CLASP2: variants seen among roughly 807,000 people sequenced by gnomAD.
CLASP2 encodes the protein CLIP-associating protein 2.
A neutral mutation model predicts 194.4 loss-of-function variants in CLASP2; 47 were observed. That is an observed-to-expected ratio of 0.24 (90% confidence interval 0.19 to 0.31). The LOEUF is 0.31. CLASP2 is among the 10% of genes least tolerant of loss of function. The pLI, the probability that CLASP2 is intolerant of heterozygous loss-of-function variation, is 1.00. For synonymous variants in CLASP2, 619 were observed against 633.5 expected (o/e 0.98, Z 0.34); for missense variants, 1,445 against 1,823.6 (o/e 0.79, Z 3.78).
intron 6 of CLASP2, among the ~76,000 whole-genome samples, chr3:33,678,319 T>C (rs189916608): frequency 2.9e-4 from 44 of 152,002 alleles, no homozygotes; most frequent in Middle Eastern, 3.4e-3. Flanking sequence ...CTTACACATA[T>C]CATATTCAAA....
At chr3:33,561,946 CT>C (rs752279301) in intron 27 of CLASP2, among the ~76,000 whole-genome samples, 5 of 152,056 alleles carry the variant, frequency 3.3e-5, no homozygotes, top group Non-Finnish European at 5.9e-5. Flanking sequence ...TCAAGTTAAT[CT>C]CAAAAAGTAA....
chr3:33,655,480 T>C (rs1421547128), intron 7 of CLASP2, among the ~76,000 whole-genome samples: 2 of 152,212 alleles, frequency 1.3e-5, no homozygotes, highest in Non-Finnish European at 2.9e-5. Flanking sequence ...GCCTGCTACT[T>C]ACTGCCTGTA....
At chr3:33,558,275 A>C (rs891830315) in intron 29 of CLASP2, 1 of 152,148 alleles carries the variant, frequency 6.6e-6, no homozygotes, top group African/African-American at 2.4e-5. Context: ...TAAACCTCTA[A>C]ATTGATTGAG....
chr3:33,640,117 A>G (rs1023164429), intron 8 of CLASP2, among the ~76,000 whole-genome samples: 3 of 152,220 alleles, frequency 2.0e-5, no homozygotes, highest in Non-Finnish European at 4.4e-5. Flanking sequence ...ACCAAAACAC[A>G]GAAGTGTTAC....
intron 30 of CLASP2, among the ~76,000 whole-genome samples, chr3:33,550,827 C>A (rs906077246): frequency 6.6e-6 from 1 of 151,946 alleles, no homozygotes; most frequent in Admixed American, 6.5e-5. Flanking sequence ...TTATGAATAC[C>A]TTAGAAAGGA....
intron 6 of CLASP2, among the ~76,000 whole-genome samples, chr3:33,664,191 T>A (rs956777947): frequency 1.3e-5 from 2 of 152,242 alleles, no homozygotes; most frequent in African/African-American, 4.8e-5. Context: ...ATTCAGAGAA[T>A]GTATTTATTA....
Position 33,576,159 on chromosome 3 carries a change from A to T in CLASP2, c.2454+10T>A, listed in dbSNP as rs772482100. On this transcript the variant is annotated intron_variant, in intron 24 of 38. Coordinates refer to ENST00000682230, the MANE Select transcript of CLASP2 (RefSeq NM_001365631.1). ...AACATTTATAATGATAAGAAAATGGAGAAGAGTACCAAGGCATCTGCCACC... is the reference window on the plus strand; with the variant it reads ...AACATTTATAATGATAAGAAAATGGTGAAGAGTACCAAGGCATCTGCCACC... 3.1e-6 allele frequency: 5 copies of T among 1,602,128 alleles called. No homozygotes were observed. The Admixed American group carries it at 8.3e-5, about 27-fold the overall frequency.
intron 32 of CLASP2, among the ~76,000 whole-genome samples, chr3:33,542,347 A>ATAATGAATTACATATATATG (rs2058496278): frequency 1.3e-5 from 2 of 148,482 alleles, no homozygotes; most frequent in Non-Finnish European, 3.0e-5. Flanking sequence ...CATTATATAT[A>ATAATGAATTACATATATATG]TAATGAATTA....
intron 38 of CLASP2, among the ~76,000 whole-genome samples, chr3:33,501,298 AT>A (rs1293140345): frequency 2.0e-5 from 3 of 152,240 alleles, no homozygotes; most frequent in Non-Finnish European, 4.4e-5. Context: ...ATTAATATAT[AT>A]AACCACAACA....
intron 20 of CLASP2, among the ~76,000 whole-genome samples, chr3:33,593,771 A>C (rs893614228): frequency 6.6e-6 from 1 of 152,244 alleles, no homozygotes; most frequent in Non-Finnish European, 1.5e-5. Flanking sequence ...TATAACAAAG[A>C]AATGAGAGTA....
rs750706744 is a variant in CLASP2, at chr3:33,517,180, A to G, written c.3788-6T>C. 1 of 1,606,968 alleles carries G rather than the reference A, an allele frequency of 6.2e-7. No individual in the cohort carries two copies. Among genetic ancestry groups the G allele is most frequent in the East Asian group, 2.2e-5 (1 of 44,590 alleles). On this transcript the variant is annotated splice_polypyrimidine_tract_variant and splice_region_variant and intron_variant, in intron 34 of 38. Transcript: ENST00000682230. ...AGAATGATCTAGGGAAAGATCTGTC[A>G]AAAGGACATGGTATTAGTTCTATAA...
At chr3:33,642,053 C>T (rs1485640509) in intron 8 of CLASP2, among the ~76,000 whole-genome samples, 2 of 151,898 alleles carry the variant, frequency 1.3e-5, no homozygotes, top group African/African-American at 4.8e-5. Flanking sequence ...AATTCATTTT[C>T]CCTGCATATG....
intron 34 of CLASP2, among the ~76,000 whole-genome samples, chr3:33,517,701 G>A (rs1056428003): frequency 1.4e-4 from 22 of 151,996 alleles, no homozygotes; most frequent in African/African-American, 4.8e-4. Flanking sequence ...TCACTTTGTC[G>A]CCAAGGCTGG....
At chr3:33,529,613 A>C (rs918289808) in intron 34 of CLASP2, among the ~76,000 whole-genome samples, 2 of 152,146 alleles carry the variant, frequency 1.3e-5, no homozygotes, top group Non-Finnish European at 2.9e-5. Context: ...CTAAGACACA[A>C]ACACACACAT....
chr3:33,577,035 G>T (rs892605454), intron 23 of CLASP2, among the ~76,000 whole-genome samples: 6 of 137,476 alleles, frequency 4.4e-5, no homozygotes, highest in South Asian at 2.5e-4. Flanking sequence ...GTTGCTAAAG[G>T]GGAAAACGTT....
chr3:33,651,475 T>TG lies in CLASP2; in HGVS notation c.716-6573dup, dbSNP rs201371867. On this transcript the variant is annotated intron_variant, in intron 7 of 38. Coordinates refer to ENST00000682230, the MANE Select transcript of CLASP2 (RefSeq NM_001365631.1). ...CCAGCAGAAACTGTTACATAATACA[T>TG]GGGGTATGACCTTATTAATTTTCTA... 1.7e-3 allele frequency among the ~76,000 whole-genome samples: 255 copies of TG among 151,682 alleles called. 4 individuals are homozygous for TG. The East Asian group carries it at 0.042, about 25-fold the overall frequency.
chr3:33,685,508 ATATTCACAACAGCAT>A (rs1414851597), intron 5 of CLASP2, among the ~76,000 whole-genome samples: 2 of 152,238 alleles, frequency 1.3e-5, no homozygotes, highest in African/African-American at 2.4e-5. Context: ...TTTTACACTA[ATATTCACAACAGCAT>A]TATTCACAAC....
intron 7 of CLASP2, among the ~76,000 whole-genome samples, chr3:33,649,504 A>C (rs1237237632): frequency 6.6e-6 from 1 of 152,232 alleles, no homozygotes; most frequent in African/African-American, 2.4e-5. Context: ...GTAATACTAC[A>C]AACACAAACA....
chr3:33,523,343 CAAAG>C (rs1329244829), intron 34 of CLASP2, among the ~76,000 whole-genome samples: 4 of 151,990 alleles, frequency 2.6e-5, no homozygotes, highest in African/African-American at 7.3e-5. Context: ...AAAATGAACT[CAAAG>C]AGAGCCACAT....
Sources: gnomAD v4.1 joint callset for allele counts (sites outside exome capture counted in the v4.1 genomes callset) on GRCh38, gnomAD v4.1.1 for gene constraint, MANE v1.5 for transcripts, NCBI Gene and HGNC (gene_info 2026-07-23, HGNC 2026-07-21) for gene names.